The following MAP2K1 variants were observed in gnomAD, a reference collection of about 807,000 sequenced individuals.
MAP2K1 encodes the protein mitogen-activated protein kinase kinase 1, also known as dual specificity mitogen-activated protein kinase kinase 1.
In MAP2K1, 16 loss-of-function variants were observed where a neutral mutation model predicts 46.3. That is an observed-to-expected ratio of 0.35 (90% confidence interval 0.23 to 0.52). The LOEUF is 0.52. Ranked by LOEUF, MAP2K1 falls within the 20% of genes least tolerant of loss-of-function variation. The pLI, the probability that MAP2K1 is intolerant of heterozygous loss-of-function variation, is 0.94. For synonymous variants in MAP2K1, 183 were observed against 185.6 expected (o/e 0.99, Z 0.11); for missense variants, 263 against 497.1 (o/e 0.53, Z 4.48).
intron 1 of MAP2K1, among the ~76,000 whole-genome samples, chr15:66,423,550 G>A (rs2093448936): frequency 6.8e-6 from 1 of 147,598 alleles, no homozygotes; most frequent in African/African-American, 2.5e-5. Context: ...CAATTCTTCT[G>A]CCTTAGCCTC....
At chr15:66,453,212 A>G (rs1892081387) in intron 5 of MAP2K1, among the ~76,000 whole-genome samples, 2 of 152,206 alleles carry the variant, frequency 1.3e-5, no homozygotes, top group South Asian at 4.1e-4. Context: ...CACTCCTGGA[A>G]CAACCAGCTT....
At chr15:66,453,391 C>T in intron 5 of MAP2K1, 4 of 678,714 alleles carry the variant, frequency 5.9e-6, no homozygotes, top group Admixed American at 2.1e-5. Context: ...AGGGAAGTCA[C>T]TAGAAGGACT....
intron 1 of MAP2K1, among the ~76,000 whole-genome samples, chr15:66,428,765 T>TTTC (rs747244975): frequency 6.8e-6 from 1 of 147,680 alleles, no homozygotes; most frequent in Non-Finnish European, 1.5e-5. Context: ...TTTTTTGAAT[T>TTTC]TTCTTTCCTT....
intron 1 of MAP2K1, among the ~76,000 whole-genome samples, chr15:66,430,134 C>G (rs1211636631): frequency 2.0e-5 from 3 of 151,902 alleles, no homozygotes; most frequent in Non-Finnish European, 4.4e-5. Flanking sequence ...GGATTGTATG[C>G]AGCCTTTATC....
rs550648357 is a variant in MAP2K1, at chr15:66,421,172, A to G, written c.81-13855A>G. 2.1e-4 allele frequency among the ~76,000 whole-genome samples: 32 copies of G among 151,130 alleles called. No individual in the cohort carries two copies. In the East Asian group the frequency reaches 6.3e-3, roughly 30 times the overall value. ...TTTTTCTGAAACAGGGTCTCACTTT[A>G]TCACCTAGACTGGAGTGCAGTAGTG... On this transcript the variant is annotated intron_variant, in intron 1 of 10. Transcript: ENST00000307102.
chr15:66,441,410 C>T (rs12594707), intron 3 of MAP2K1, among the ~76,000 whole-genome samples: 15,447 of 152,114 alleles, frequency 0.1, 980 homozygotes, highest in East Asian at 0.34. Flanking sequence ...GTGACTCACA[C>T]TTGTAATCCC....
chr15:66,435,785 T>A (rs2093486440), intron 2 of MAP2K1, among the ~76,000 whole-genome samples: 2 of 152,300 alleles, frequency 1.3e-5, no homozygotes, highest in South Asian at 4.1e-4. Context: ...GGATACCTGT[T>A]TATTACTTAT....
intron 5 of MAP2K1, among the ~76,000 whole-genome samples, chr15:66,462,910 C>T (rs1892364503): frequency 6.6e-6 from 1 of 152,204 alleles, no homozygotes; most frequent in South Asian, 2.1e-4. Flanking sequence ...AAGACAGGGA[C>T]CAGAAAGCCA....
chr15:66,401,216 A>G (rs765713982), intron 1 of MAP2K1, among the ~76,000 whole-genome samples: 10 of 152,114 alleles, frequency 6.6e-5, no homozygotes, highest in Non-Finnish European at 1.2e-4. Context: ...TTTTGAGTCC[A>G]TTTATTTTGT....
chr15:66,481,258 T>C (rs781749427), intron 5 of MAP2K1, among the ~76,000 whole-genome samples: 1 of 152,160 alleles, frequency 6.6e-6, no homozygotes, highest in Non-Finnish European at 1.5e-5. Flanking sequence ...AAGACCCACA[T>C]GCTCCATGCC....
At chr15:66,401,160 A>G (rs2093380786) in intron 1 of MAP2K1, among the ~76,000 whole-genome samples, 1 of 152,186 alleles carries the variant, frequency 6.6e-6, no homozygotes, top group Non-Finnish European at 1.5e-5. Context: ...GTTGATTATT[A>G]GGTGGCTTCC....
At chr15:66,404,114 C>G (rs1402408592) in intron 1 of MAP2K1, among the ~76,000 whole-genome samples, 1 of 152,194 alleles carries the variant, frequency 6.6e-6, no homozygotes, top group African/African-American at 2.4e-5. Flanking sequence ...AAAATGTATC[C>G]TGCTAATCAG....
At chr15:66,437,339 G>A (rs1355693856) in intron 3 of MAP2K1, among the ~76,000 whole-genome samples, 1 of 152,194 alleles carries the variant, frequency 6.6e-6, no homozygotes, top group Non-Finnish European at 1.5e-5. Context: ...TGGAAGGAGA[G>A]GGCAATGGAG....
intron 1 of MAP2K1, among the ~76,000 whole-genome samples, chr15:66,397,596 T>A (rs998660482): frequency 2.0e-5 from 3 of 152,258 alleles, no homozygotes; most frequent in African/African-American, 7.2e-5. Context: ...AATAGCAAAT[T>A]GTAAATGTTG....
At chr15:66,392,925 A>T (rs978266410) in intron 1 of MAP2K1, among the ~76,000 whole-genome samples, 27 of 151,744 alleles carry the variant, frequency 1.8e-4, no homozygotes, top group Non-Finnish European at 2.6e-4. Context: ...CTAGTTCATT[A>T]TTTCTCTTGG....
chr15:66,474,642 C>T (rs970555398), intron 5 of MAP2K1, among the ~76,000 whole-genome samples: 18 of 152,074 alleles, frequency 1.2e-4, no homozygotes, highest in African/African-American at 4.1e-4. Flanking sequence ...TTTTTAGATC[C>T]TGGAGAGAAC....
At chr15:66,429,089 T>C (rs1325036735) in intron 1 of MAP2K1, among the ~76,000 whole-genome samples, 1 of 152,156 alleles carries the variant, frequency 6.6e-6, no homozygotes, top group African/African-American at 2.4e-5. Context: ...CTTGAATTTT[T>C]GACAGATGGA....
chr15:66,420,721 A>ATATATATATATATATG (rs1461381065), intron 1 of MAP2K1, among the ~76,000 whole-genome samples: 3 of 29,680 alleles, frequency 1.0e-4, no homozygotes, highest in African/African-American at 2.4e-4. Context: ...ATATATATAT[A>ATATATATATATATATG]TGTGTGTGTG....
chr15:66,400,767 G>A (rs1256010374), intron 1 of MAP2K1, among the ~76,000 whole-genome samples: 1 of 152,150 alleles, frequency 6.6e-6, no homozygotes, highest in Non-Finnish European at 1.5e-5. Flanking sequence ...TAAAAGTGCT[G>A]ATCCTGACTC....
Sources: gnomAD v4.1 joint callset for allele counts (sites outside exome capture counted in the v4.1 genomes callset) on GRCh38, gnomAD v4.1.1 for gene constraint, MANE v1.5 for transcripts, NCBI Gene and HGNC (gene_info 2026-07-23, HGNC 2026-07-21) for gene names.